The following PAG1 variants were observed in gnomAD, a reference collection of about 807,000 sequenced individuals.
PAG1 encodes phosphoprotein associated with glycosphingolipid-enriched microdomains 1.
In PAG1, 23 loss-of-function variants were observed where a neutral mutation model predicts 31.7. The ratio of observed to expected loss-of-function variants is 0.73; its 90% CI spans 0.52 to 1.03. PAG1 has a LOEUF of 1.03. Among genes scored for constraint, PAG1 ranks in the 50% least tolerant of loss-of-function variants. The pLI is 0.00. For missense variants in PAG1, 473 were observed against 540.7 expected, an observed-to-expected ratio of 0.87 and a Z score of 1.24; for synonymous variants, 214 against 210.3, an observed-to-expected ratio of 1.02 and a Z score of -0.15.
At position 80,985,336 on chromosome 8, in the gene PAG1, C is replaced by T. The variant is rs554012924; in HGVS notation, c.316G>A (p.Glu106Lys). 7.4e-6 allele frequency: 12 copies of T among 1,614,042 alleles called. No homozygotes were observed. Among genetic ancestry groups the T allele is most frequent in the Middle Eastern group, 1.7e-4 (1 of 6,060 alleles). Reference protein sequence around the residue: ...DSTLTCMQHYEEVQTSASDLL... With the variant: ...DSTLTCMQHYKEVQTSASDLL... ...TCCGAGGCCGATGTCTGGACTTCCT[C>T]GTAATGCTGCATGCAGGTCAGAGTA... Residue 106 changes from glutamate (E) to lysine (K), a missense_variant, in exon 7 of 9, where the codon GAG becomes AAG. Transcript: ENST00000220597.
At chr8:81,098,988 G>GTTTC (rs10623089) in intron 1 of PAG1, among the ~76,000 whole-genome samples, 76,491 of 151,612 alleles carry the variant, frequency 0.5, 19,703 homozygotes, top group East Asian at 0.74. Context: ...TGAAAACAGA[G>GTTTC]TTTGTTATTT....
At chr8:81,090,752 T>A (rs1272806000) in intron 1 of PAG1, among the ~76,000 whole-genome samples, 2 of 152,170 alleles carry the variant, frequency 1.3e-5, no homozygotes, top group African/African-American at 4.8e-5. Context: ...CGTGAGGAAC[T>A]CTGAGTTATA....
rs905834505 is a variant in PAG1, at chr8:81,058,415, T to C, written c.-175+11697A>G. ...TATTTTCTTTCTTAACATCCCCACT[T>C]AGGGGAAAGACAGACTGAAAATTAA... On this transcript the variant is annotated intron_variant, in intron 2 of 8. Coordinates refer to ENST00000220597, the MANE Select transcript of PAG1 (RefSeq NM_018440.4). The C allele has an allele frequency of 9.2e-5, 14 of 152,204 alleles. 1 individual carries two copies. In the East Asian group the frequency reaches 2.7e-3, roughly 29 times the overall value. The allele number at this position is 152,204 out of a possible 1,614,324, so 9.4% of individuals were successfully genotyped here.
intron 1 of PAG1, among the ~76,000 whole-genome samples, chr8:81,090,088 T>C (rs1407035216): frequency 6.6e-6 from 1 of 152,202 alleles, no homozygotes; most frequent in Non-Finnish European, 1.5e-5. Flanking sequence ...TTTATATAAT[T>C]AAAACAATCT....
intron 7 of PAG1, 52 bp from the exon 8 acceptor site, chr8:80,980,546 C>T (rs775126871): frequency 1.7e-6 from 2 of 1,165,874 alleles, no homozygotes; most frequent in Non-Finnish European, 2.6e-6. Context: ...AACAATCTAA[C>T]CTTTCTTTTG....
intron 2 of PAG1, among the ~76,000 whole-genome samples, chr8:81,059,942 C>T (rs1368305533): frequency 6.6e-6 from 1 of 151,840 alleles, no homozygotes; most frequent in Non-Finnish European, 1.5e-5. Context: ...TGCTTGAACC[C>T]AGGAGGCGGA....
At chr8:80,991,656 G>A (rs1586149066) in intron 4 of PAG1, 126 bp from the exon 5 acceptor site, 6 of 744,274 alleles carry the variant, frequency 8.1e-6, no homozygotes, top group South Asian at 1.5e-5. Context: ...TGTTTATTTT[G>A]TCAACAAAGA....
In PAG1 at chr8:81,016,334, A is replaced by T. The variant is rs186352607; in HGVS notation, c.-81+13662T>A. Reference sequence around the variant, plus strand: ...TTTGTTCAAGGCAAACTAGCTGGTAAATGGTAAGGCTATCAGGTTATTATA... The same window carrying T: ...TTTGTTCAAGGCAAACTAGCTGGTATATGGTAAGGCTATCAGGTTATTATA... On this transcript the variant is annotated intron_variant, in intron 3 of 8. Transcript: ENST00000220597. Among the ~76,000 whole-genome samples, 17 of 152,286 alleles carry T rather than the reference A, an allele frequency of 1.1e-4. No individual in the cohort carries two copies. The East Asian group carries it at 3.3e-3, about 29-fold the overall frequency.
chr8:81,050,764 G>A (rs563105344), intron 2 of PAG1, among the ~76,000 whole-genome samples: 3 of 152,202 alleles, frequency 2.0e-5, no homozygotes, highest in Non-Finnish European at 4.4e-5. Flanking sequence ...AGAAGTAGGT[G>A]CTTGAGTCCA....
chr8:81,026,727 T>G (rs971431031), intron 3 of PAG1, among the ~76,000 whole-genome samples: 4 of 152,032 alleles, frequency 2.6e-5, no homozygotes, highest in African/African-American at 9.7e-5. Context: ...GGCCAGCAAT[T>G]ACCCTGCACA....
rs1347607310 is a variant in PAG1, at chr8:81,016,085, A to T, written c.-81+13911T>A. Among the ~76,000 whole-genome samples the T allele has an allele frequency of 2.0e-5, 3 of 152,300 alleles. No individual in the cohort carries two copies. The East Asian group carries it at 5.8e-4, about 29-fold the overall frequency. On this transcript the variant is annotated intron_variant, in intron 3 of 8. Transcript: ENST00000220597. ...CCCCAGTAGCCAGCCAATCCTCAGA[A>T]GCAGAGACATCTAGCTGACTGCAAG...
intron 3 of PAG1, chr8:81,029,703 A>G (rs1163099060): frequency 2.0e-5 from 3 of 152,186 alleles, no homozygotes; most frequent in Non-Finnish European, 4.4e-5. Context: ...GTTCACGAGT[A>G]TCTGTAACAC....
At chr8:81,011,841 G>C (rs1255564232) in intron 3 of PAG1, among the ~76,000 whole-genome samples, 3 of 152,194 alleles carry the variant, frequency 2.0e-5, no homozygotes, top group South Asian at 2.1e-4. Flanking sequence ...CCTCTGGCTG[G>C]CTCCAAGCTT....
chr8:81,049,887 T>C (rs1808699692), intron 2 of PAG1, among the ~76,000 whole-genome samples: 1 of 152,164 alleles, frequency 6.6e-6, no homozygotes, highest in Non-Finnish European at 1.5e-5. Context: ...TAGTTAATCA[T>C]ACATTTGGAG....
chr8:81,007,287 A>G (rs1309412295), intron 3 of PAG1, among the ~76,000 whole-genome samples: 1 of 152,078 alleles, frequency 6.6e-6, no homozygotes, highest in Non-Finnish European at 1.5e-5. Context: ...TAAAAGAAAC[A>G]TGGATCTCAT....
At chr8:80,988,438 T>C (rs1469491271) in intron 5 of PAG1, among the ~76,000 whole-genome samples, 3 of 152,200 alleles carry the variant, frequency 2.0e-5, no homozygotes, top group Non-Finnish European at 4.4e-5. Flanking sequence ...TGCTGAAAAT[T>C]AGCTCTGCAA....
chr8:81,086,842 G>A (rs1373929551), intron 1 of PAG1, among the ~76,000 whole-genome samples: 5 of 152,142 alleles, frequency 3.3e-5, no homozygotes, highest in Non-Finnish European at 4.4e-5. Context: ...TGTGGAGGAG[G>A]TGCATTGGGG....
intron 1 of PAG1, among the ~76,000 whole-genome samples, chr8:81,078,053 C>T (rs1297433993): frequency 6.6e-6 from 1 of 152,222 alleles, no homozygotes; most frequent in Non-Finnish European, 1.5e-5. Context: ...TAAATGTACA[C>T]AGCAAATGTC....
intron 3 of PAG1, among the ~76,000 whole-genome samples, chr8:81,003,737 G>A (rs929377651): frequency 6.6e-6 from 1 of 152,198 alleles, no homozygotes; most frequent in African/African-American, 2.4e-5. Flanking sequence ...TAAGTTGCCA[G>A]TGATTCCTAA....
Sources: allele counts gnomAD v4.1 joint callset (sites outside exome capture counted in the v4.1 genomes callset), GRCh38; gene constraint gnomAD v4.1.1; transcripts MANE v1.5; gene names NCBI Gene and HGNC (gene_info 2026-07-23, HGNC 2026-07-21).